The following EXOC6 variants were observed in gnomAD, a reference collection of about 807,000 sequenced individuals.
EXOC6 encodes the protein SEC15-like 1.
A neutral mutation model predicts 112.5 loss-of-function variants in EXOC6; 60 were observed. The observed-to-expected ratio is 0.53, with a 90% CI of 0.43 to 0.66. The LOEUF (loss-of-function observed/expected upper bound fraction) is 0.66, where lower values mean the gene tolerates loss of function less well. EXOC6 is among the 30% of genes least tolerant of loss of function. The probability of loss-of-function intolerance (pLI) is 0.00; values close to 1 mark genes in which losing one functional copy is unlikely to be tolerated. For missense variants in EXOC6, 855 were observed against 957.1 expected (o/e 0.89, Z 1.41); for synonymous variants, 295 against 308.0 (o/e 0.96, Z 0.44).
intron 1 of EXOC6, among the ~76,000 whole-genome samples, chr10:92,862,188 T>C (rs980019969): frequency 2.0e-5 from 3 of 152,194 alleles, no homozygotes; most frequent in Admixed American, 6.5e-5. Flanking sequence ...GTTTTCTGCT[T>C]TCTATGATTT....
Position 92,924,906 on chromosome 10 carries a change from T to C in EXOC6, c.889-3433T>C, listed in dbSNP as rs142436202. On this transcript the variant is annotated intron_variant, in intron 8 of 21. Transcript: ENST00000260762. ...CCATAGCTTAGCTCCCACTGATGAG[T>C]GAGAACATGCAGTATTTGGTTTTCT... 3.0e-3 allele frequency among the ~76,000 whole-genome samples: 453 copies of C among 152,250 alleles called. 2 individuals carry two copies. Among genetic ancestry groups the C allele is most frequent in the African/African-American group, 0.01 (432 of 41,538 alleles).
chr10:93,009,413 A>G (rs879751919), intron 19 of EXOC6, among the ~76,000 whole-genome samples: 1 of 152,164 alleles, frequency 6.6e-6, no homozygotes, highest in African/African-American at 2.4e-5. Context: ...CTTTCATTGA[A>G]TACTCATTAT....
chr10:92,961,458 G>A (rs1018084457), intron 17 of EXOC6, among the ~76,000 whole-genome samples: 4 of 151,994 alleles, frequency 2.6e-5, no homozygotes, highest in Non-Finnish European at 5.9e-5. Context: ...AATCCTAAAA[G>A]GTAAGTTAGA....
chr10:93,036,391 A>C (rs1388276529), intron 20 of EXOC6, among the ~76,000 whole-genome samples: 1 of 152,122 alleles, frequency 6.6e-6, no homozygotes, highest in African/African-American at 2.4e-5. Context: ...GTTATAATTC[A>C]CATTTTTCAT....
intron 12 of EXOC6, 80 bp downstream of exon 12, chr10:92,935,965 T>C: frequency 1.1e-6 from 1 of 881,046 alleles, no homozygotes; most frequent in South Asian, 1.6e-5. Flanking sequence ...ATTTATGTTA[T>C]TGTAGATTAG....
chr10:92,982,719 T>A lies in EXOC6; in HGVS notation c.1953+8487T>A, dbSNP rs1005511510. Among the ~76,000 whole-genome samples, 5 of 152,202 alleles carry A rather than the reference T, an allele frequency of 3.3e-5. No homozygotes were observed. In the East Asian group the frequency reaches 5.8e-4, roughly 18 times the overall value. On this transcript the variant is annotated intron_variant, in intron 18 of 21. Coordinates refer to ENST00000260762, the MANE Select transcript of EXOC6 (RefSeq NM_019053.6). Reference sequence around the variant, plus strand: ...AGTGTTACTCTATTTAAACAGCATCTTCTTCTCCATCTGTCCCTTTTAAGG... The same window carrying A: ...AGTGTTACTCTATTTAAACAGCATCATCTTCTCCATCTGTCCCTTTTAAGG...
At chr10:93,043,642 A>G (rs994287932) in intron 20 of EXOC6, among the ~76,000 whole-genome samples, 1 of 152,190 alleles carries the variant, frequency 6.6e-6, no homozygotes, top group Non-Finnish European at 1.5e-5. Context: ...TTTGCTTAGA[A>G]ATGTCCTAAT....
intron 19 of EXOC6, among the ~76,000 whole-genome samples, chr10:93,007,060 C>T (rs926865888): frequency 1.3e-5 from 2 of 151,596 alleles, no homozygotes; most frequent in Non-Finnish European, 2.9e-5. Context: ...TGTAAACAAT[C>T]TACATTCTCT....
At chr10:93,007,524 A>C (rs1844051053) in intron 19 of EXOC6, among the ~76,000 whole-genome samples, 3 of 152,086 alleles carry the variant, frequency 2.0e-5, no homozygotes, top group African/African-American at 7.2e-5. Flanking sequence ...GTGGTGGCAC[A>C]TGCCTATAAT....
At chr10:93,029,414 T>G (rs1288580564) in intron 20 of EXOC6, among the ~76,000 whole-genome samples, 2 of 152,214 alleles carry the variant, frequency 1.3e-5, no homozygotes, top group Non-Finnish European at 2.9e-5. Context: ...TTTTCATCCA[T>G]GTATTTGCCA....
At chr10:92,915,439 AT>A (rs1182595129) in intron 6 of EXOC6, among the ~76,000 whole-genome samples, 12 of 143,012 alleles carry the variant, frequency 8.4e-5, no homozygotes, top group African/African-American at 2.9e-4. Flanking sequence ...GTGGTGGTGC[AT>A]TCCTGTAGTC....
intron 1 of EXOC6, among the ~76,000 whole-genome samples, chr10:92,870,646 CTCATT>C (rs1848402635): frequency 6.6e-6 from 1 of 151,738 alleles, no homozygotes; most frequent in Non-Finnish European, 1.5e-5. Context: ...CAATGTTACA[CTCATT>C]TCATTAAACA....
chr10:92,835,896 G>A (rs112614227), intron 1 of EXOC6, among the ~76,000 whole-genome samples: 2,024 of 152,126 alleles, frequency 0.013, 29 homozygotes, highest in Middle Eastern at 0.058. Context: ...AATATTCTGC[G>A]AAAAAGAGCT....
chr10:93,020,480 T>C (rs896200735), intron 20 of EXOC6, among the ~76,000 whole-genome samples: 1 of 152,178 alleles, frequency 6.6e-6, no homozygotes, highest in Non-Finnish European at 1.5e-5. Flanking sequence ...GCTTATAGAC[T>C]ACTCCAGACA....
intron 18 of EXOC6, among the ~76,000 whole-genome samples, chr10:92,991,655 G>A (rs1343026824): frequency 6.6e-6 from 1 of 152,034 alleles, no homozygotes; most frequent in African/African-American, 2.4e-5. Flanking sequence ...AATACGCCAT[G>A]TATTATGCAG....
upstream of EXOC6, among the ~76,000 whole-genome samples, chr10:92,832,943 G>A (rs913393996): frequency 2.0e-5 from 3 of 152,220 alleles, no homozygotes; most frequent in Non-Finnish European, 4.4e-5. Flanking sequence ...GATTACGGGT[G>A]TGAGCCACTG....
At chr10:93,033,193 AAGG>A (rs1845349173) in intron 20 of EXOC6, among the ~76,000 whole-genome samples, 3 of 152,150 alleles carry the variant, frequency 2.0e-5, no homozygotes, top group African/African-American at 7.2e-5. Flanking sequence ...TGGCTGTTTT[AAGG>A]AGAATAGATT....
intron 1 of EXOC6, among the ~76,000 whole-genome samples, chr10:92,840,603 T>C (rs767633178): frequency 4.6e-5 from 7 of 152,218 alleles, no homozygotes; most frequent in Admixed American, 2.0e-4. Context: ...TATTGAGTTA[T>C]GTAAATTTTT....
intron 13 of EXOC6, among the ~76,000 whole-genome samples, chr10:92,947,885 C>G (rs1225288690): frequency 6.6e-6 from 1 of 152,116 alleles, no homozygotes; most frequent in Non-Finnish European, 1.5e-5. Flanking sequence ...GCCTGGGTGA[C>G]AGAGCGAGAC....
Sources: gnomAD v4.1 joint callset for allele counts (sites outside exome capture counted in the v4.1 genomes callset) on GRCh38, gnomAD v4.1.1 for gene constraint, MANE v1.5 for transcripts, NCBI Gene and HGNC (gene_info 2026-07-23, HGNC 2026-07-21) for gene names.